The following TUSC3 variants were observed in gnomAD, a reference collection of about 807,000 sequenced individuals.
TUSC3 encodes the protein tumor suppressor candidate 3, also known as dolichyl-diphosphooligosaccharide--protein glycosyltransferase subunit TUSC3.
TUSC3 carries 45 observed loss-of-function variants against 44.8 expected under a neutral mutation model. The ratio of observed to expected loss-of-function variants is 1.00; its 90% confidence interval spans 0.79 to 1.29. TUSC3 has a LOEUF of 1.29. Ranked by LOEUF, TUSC3 falls within the 50% of genes most tolerant of loss-of-function variation. The probability of loss-of-function intolerance (pLI) is 0.00; values close to 1 mark genes in which losing one functional copy is unlikely to be tolerated. For missense variants in TUSC3, 519 were observed against 437.9 expected (o/e 1.19, Z -1.65); for synonymous variants, 212 against 152.9 (o/e 1.39, Z -2.85).
At chr8:15,488,505 A>T (rs534461653) in intron 2 of TUSC3, among the ~76,000 whole-genome samples, 1 of 152,112 alleles carries the variant, frequency 6.6e-6, no homozygotes, top group South Asian at 2.1e-4. Context: ...CTCTCTCAAA[A>T]ATAAACTGTT....
At chr8:15,692,370 C>A (rs867814610) in intron 6 of TUSC3, among the ~76,000 whole-genome samples, 4 of 39,240 alleles carry the variant, frequency 1.0e-4, no homozygotes, top group African/African-American at 4.0e-4. Flanking sequence ...CCCCCCCCCC[C>A]CTTTGTTTTT....
the TUSC3 span, among the ~76,000 whole-genome samples, chr8:15,847,030 T>A: frequency 6.6e-6 from 1 of 152,158 alleles, no homozygotes; most frequent in Non-Finnish European, 1.5e-5. Context: ...TACTTCAGCA[T>A]AACGCCCTAG....
At chr8:15,831,813 A>T in the TUSC3 span, among the ~76,000 whole-genome samples, 1 of 152,162 alleles carries the variant, frequency 6.6e-6, no homozygotes, top group African/African-American at 2.4e-5. Context: ...CAAATATATG[A>T]TTCATTGGTG....
intron 6 of TUSC3, among the ~76,000 whole-genome samples, chr8:15,700,030 C>T (rs1197025597): frequency 6.6e-6 from 1 of 152,048 alleles, no homozygotes; most frequent in Non-Finnish European, 1.5e-5. Context: ...TGAATAGAAT[C>T]TATTATTATA....
chr8:15,595,279 A>T (rs1446445203), intron 1 of TUSC3, among the ~76,000 whole-genome samples: 1 of 152,140 alleles, frequency 6.6e-6, no homozygotes, highest in Non-Finnish European at 1.5e-5. Flanking sequence ...TGAATATTCA[A>T]GGGGAATCTC....
At chr8:15,701,744 A>G (rs1210102602) in intron 6 of TUSC3, among the ~76,000 whole-genome samples, 1 of 152,182 alleles carries the variant, frequency 6.6e-6, no homozygotes, top group Admixed American at 6.6e-5. Flanking sequence ...TTTTTAAGAC[A>G]GGCAGCTTAT....
chr8:15,581,903 C>G (rs1008938416), intron 1 of TUSC3, among the ~76,000 whole-genome samples: 4 of 143,234 alleles, frequency 2.8e-5, no homozygotes, highest in African/African-American at 2.8e-5. Flanking sequence ...CGCCCCTCCC[C>G]CAGCCTCGCT....
rs767169040 is a variant in TUSC3 at position 15,623,207 on chromosome 8, T to C, written c.266T>C (p.Met89Thr). 1.2e-6 allele frequency: 2 copies of C among 1,612,570 alleles called. No individual in the cohort carries two copies. Among genetic ancestry groups the C allele is most frequent in the East Asian group, 2.2e-5 (1 of 44,848 alleles). ...CCTCGAAACTATTCCATGATTGTTA[T>C]GTTCACTGCTCTTCAGCCTCAGCGG... ...APPRNYSMIV[M>T]FTALQPQRQC... is the part of the protein sequence containing the mutation. Residue 89 changes from methionine to threonine, a missense_variant, in exon 2 of 11, where the codon ATG (methionine) becomes ACG (threonine). Physicochemically the swap from Met to Thr is moderately conservative, Grantham distance 81 (BLOSUM62 -1). Transcript: ENST00000503731.
intron 6 of TUSC3, among the ~76,000 whole-genome samples, chr8:15,683,505 C>T (rs1328413128): frequency 6.6e-6 from 1 of 151,902 alleles, no homozygotes; most frequent in Admixed American, 6.6e-5. Context: ...TAGTTTGTTT[C>T]TTTCTTACTA....
At position 15,491,891 on chromosome 8, in the gene TUSC3, C is replaced by G. The variant is rs902564992; in HGVS notation, n.189+8408C>G. On this transcript the variant is annotated intron_variant and non_coding_transcript_variant, in intron 2 of 5. Transcript: ENST00000503191. ...TCCTAAGTAGTTTTTAATGCATTCG[C>G]TGTTCCACATAATTTAATTTACTTT... 2.6e-5 allele frequency among the ~76,000 whole-genome samples: 4 copies of G among 152,188 alleles called. No individual in the cohort carries two copies. The South Asian group carries it at 6.2e-4, about 24-fold the overall frequency.
At chr8:15,501,770 G>T (rs560193418) in intron 2 of TUSC3, among the ~76,000 whole-genome samples, 1 of 152,134 alleles carries the variant, frequency 6.6e-6, no homozygotes, top group Non-Finnish European at 1.5e-5. Context: ...TATCTAACAG[G>T]ATGCTGATTG....
chr8:15,515,216 C>T (rs1047083430), intron 2 of TUSC3, among the ~76,000 whole-genome samples: 6 of 151,986 alleles, frequency 3.9e-5, no homozygotes, highest in Non-Finnish European at 5.9e-5. Flanking sequence ...ATGAGCTTGT[C>T]GCTTTCTACT....
chr8:15,759,703 C>T (rs936979091), intron 10 of TUSC3, among the ~76,000 whole-genome samples: 2 of 152,024 alleles, frequency 1.3e-5, no homozygotes, highest in Non-Finnish European at 2.9e-5. Context: ...GGCATTCTTA[C>T]ACCTTCCTTT....
chr8:15,593,971 T>A (rs1803962194), intron 1 of TUSC3, among the ~76,000 whole-genome samples: 2 of 152,302 alleles, frequency 1.3e-5, no homozygotes, highest in South Asian at 4.1e-4. Flanking sequence ...TCCCTGTCAC[T>A]CTTTCTGCAT....
chr8:15,732,669 A>G (rs1200937263), intron 7 of TUSC3, among the ~76,000 whole-genome samples: 6 of 152,244 alleles, frequency 3.9e-5, no homozygotes, highest in Non-Finnish European at 8.8e-5. Context: ...TGAACCCGTT[A>G]AATTGTATAA....
intron 1 of TUSC3, among the ~76,000 whole-genome samples, chr8:15,467,640 T>G (rs1005792878): frequency 2.0e-5 from 3 of 152,202 alleles, no homozygotes; most frequent in Non-Finnish European, 4.4e-5. Context: ...TATTGGAAAC[T>G]GCTGTCCATG....
At chr8:15,639,161 G>A (rs1276125329) in intron 2 of TUSC3, among the ~76,000 whole-genome samples, 2 of 151,506 alleles carry the variant, frequency 1.3e-5, no homozygotes, top group African/African-American at 4.8e-5. Context: ...ATGATCATGT[G>A]TCGATGCTAG....
intron 5 of TUSC3, among the ~76,000 whole-genome samples, chr8:15,669,046 C>T (rs569489809): frequency 4.0e-5 from 6 of 151,808 alleles, no homozygotes; most frequent in African/African-American, 1.4e-4. Flanking sequence ...TATTGGAAAA[C>T]CTTCAGTGGT....
the TUSC3 span, among the ~76,000 whole-genome samples, chr8:15,776,861 A>C: frequency 6.6e-6 from 1 of 152,162 alleles, no homozygotes; most frequent in South Asian, 2.1e-4. Context: ...GTTATGTGAA[A>C]GAAACAGGGT....
Sources: gnomAD v4.1 joint callset for allele counts (sites outside exome capture counted in the v4.1 genomes callset) on GRCh38, gnomAD v4.1.1 for gene constraint, MANE v1.5 for transcripts, NCBI Gene and HGNC (gene_info 2026-07-23, HGNC 2026-07-21) for gene names.